Variants in FNDC3A observed in about 807,000 individuals in gnomAD.
FNDC3A encodes fibronectin type-III domain-containing protein 3A.
Under a neutral mutation model 148.9 loss-of-function variants are expected in FNDC3A, and 32 were observed. The observed-to-expected ratio is 0.21, with a 90% CI of 0.16 to 0.29. The LOEUF is 0.29. FNDC3A is among the 10% of genes least tolerant of loss of function. The probability of loss-of-function intolerance (pLI) is 1.00; values close to 1 mark genes in which losing one functional copy is unlikely to be tolerated. For synonymous variants in FNDC3A, 472 were observed against 473.6 expected (o/e 1.00, Z 0.04); for missense variants, 1,191 against 1,452.8 (o/e 0.82, Z 2.93).
At chr13:49,007,416 C>T (rs1785002017) in intron 2 of FNDC3A, among the ~76,000 whole-genome samples, 1 of 152,094 alleles carries the variant, frequency 6.6e-6, no homozygotes, top group South Asian at 2.1e-4. Context: ...ATTTTCTACT[C>T]ACAAAAATAG....
rs78802818 is a variant in FNDC3A at position 49,134,185 on chromosome 13, G to A, written c.491-2147G>A. Among the ~76,000 whole-genome samples, 159 of 152,218 alleles carry A rather than the reference G, an allele frequency of 1.0e-3. 1 individual carries two copies. The highest frequency in any genetic ancestry group is 3.6e-3 in the African/African-American group (148 of 41,508). The stretch of plus-strand genomic sequence containing the variant: ...TATTAACAGTCAGTCCCAACTCTCT[G>A]TTCCTTCACATCCCATGATCTACTT... On this transcript the variant is annotated intron_variant, in intron 5 of 25. Coordinates refer to ENST00000492622, the MANE Select transcript of FNDC3A (RefSeq NM_001079673.2).
intron 2 of FNDC3A, among the ~76,000 whole-genome samples, chr13:49,014,981 A>C (rs1039398593): frequency 6.6e-6 from 1 of 151,646 alleles, no homozygotes; most frequent in African/African-American, 2.4e-5. Flanking sequence ...TACCAGTACC[A>C]TGCTGTTTTG....
chr13:49,107,649 G>A (rs1338329237), intron 3 of FNDC3A, among the ~76,000 whole-genome samples: 1 of 152,198 alleles, frequency 6.6e-6, no homozygotes, highest in East Asian at 1.9e-4. Flanking sequence ...AACATCAAGA[G>A]TTCAGTTTCA....
chr13:49,189,725 A>G (rs910696996), intron 17 of FNDC3A, among the ~76,000 whole-genome samples: 4 of 152,238 alleles, frequency 2.6e-5, no homozygotes, highest in Admixed American at 2.6e-4. Flanking sequence ...TCAGAAAAGC[A>G]ACAACACATA....
intron 1 of FNDC3A, among the ~76,000 whole-genome samples, chr13:48,981,518 T>A (rs1361238478): frequency 6.6e-6 from 1 of 151,746 alleles, no homozygotes; most frequent in Non-Finnish European, 1.5e-5. Flanking sequence ...AGCTTTATCC[T>A]CCAAAGTTCT....
intron 1 of FNDC3A, among the ~76,000 whole-genome samples, chr13:48,990,686 C>A (rs1463603202): frequency 2.6e-5 from 4 of 151,774 alleles, no homozygotes. Context: ...CGCTTGAACC[C>A]AGGAGGCGGA....
In FNDC3A at chr13:49,201,862, C is replaced by A; in HGVS notation, c.3050C>A (p.Thr1017Lys). The change falls in exon 24 of 26, where the codon ACA (threonine) becomes AAA (lysine). Residue 1017 changes from threonine to lysine, a missense_variant. Thr to Lys is a moderately conservative substitution (Grantham distance 78, BLOSUM62 -1). Around this residue, in one of 3 missense-constraint regions of FNDC3A, gnomAD observed 751 missense variants for 944.0 expected, o/e 0.80. Transcript: ENST00000492622. ...AAAGTACAAAGACTTAATGAGTCAA[C>A]ATCCTATAAATTCTGTATTCAAGCT... ...TYKVQRLNES[T>K]SYKFCIQACN... The A allele has an allele frequency of 6.3e-7, 1 of 1,592,336 alleles. No homozygotes were observed. The highest frequency in any genetic ancestry group is 8.6e-7 in the Non-Finnish European group (1 of 1,166,166).
chr13:49,169,909 CAGT>C (rs1294144829), intron 10 of FNDC3A, among the ~76,000 whole-genome samples: 2 of 152,112 alleles, frequency 1.3e-5, no homozygotes, highest in Non-Finnish European at 2.9e-5. Context: ...GTGTCACTTA[CAGT>C]AGTATTTTAT....
rs377282705 is a variant in FNDC3A at position 49,050,034 on chromosome 13, C to T, written c.100-25255C>T. ...GGCGAACAGCCTTCTCTCTTCTTTT[C>T]TTGGTTAATCTCACTAATGGTCTAT... is the stretch of plus-strand genomic sequence containing the variant. On this transcript the variant is annotated intron_variant, in intron 2 of 25. Coordinates refer to ENST00000492622, the MANE Select transcript of FNDC3A (RefSeq NM_001079673.2). Among the ~76,000 whole-genome samples, 143 of 152,256 alleles carry T rather than the reference C, an allele frequency of 9.4e-4. 4 individuals are homozygous for T. In the East Asian group the frequency reaches 0.025, roughly 27 times the overall value.
At chr13:49,107,175 CAA>C (rs1334792321) in intron 3 of FNDC3A, among the ~76,000 whole-genome samples, 1 of 151,816 alleles carries the variant, frequency 6.6e-6, no homozygotes, top group African/African-American at 2.4e-5. Context: ...ATTGCATAAT[CAA>C]AATTTTATTT....
chr13:49,116,299 T>A (rs779491851), intron 4 of FNDC3A, among the ~76,000 whole-genome samples: 1 of 152,216 alleles, frequency 6.6e-6, no homozygotes, highest in Admixed American at 6.5e-5. Context: ...CATAAACTTA[T>A]GAAATGTGTA....
chr13:49,012,960 A>G (rs954032563), intron 2 of FNDC3A, among the ~76,000 whole-genome samples: 1 of 152,002 alleles, frequency 6.6e-6, no homozygotes, highest in Admixed American at 6.6e-5. Flanking sequence ...CAAAGAGAGT[A>G]TTTTCAGCAT....
chr13:49,150,432 G>A (rs1035319269), intron 8 of FNDC3A, among the ~76,000 whole-genome samples: 9 of 152,002 alleles, frequency 5.9e-5, no homozygotes. Flanking sequence ...CACTGCTTTT[G>A]CTGTATCCCA....
intron 2 of FNDC3A, among the ~76,000 whole-genome samples, chr13:49,025,270 A>G (rs1482236482): frequency 1.3e-5 from 2 of 152,052 alleles, no homozygotes; most frequent in Non-Finnish European, 2.9e-5. Flanking sequence ...TGGCAGTTTG[A>G]ACAAAAGTGA....
At chr13:48,985,611 C>T (rs775995982) in intron 1 of FNDC3A, among the ~76,000 whole-genome samples, 15 of 151,836 alleles carry the variant, frequency 9.9e-5, no homozygotes, top group Admixed American at 3.3e-4. Flanking sequence ...CATGAAAGGG[C>T]GAGATACAAT....
At position 49,198,206 on chromosome 13, in the gene FNDC3A, A is replaced by C. The variant is rs967386526; in HGVS notation, c.2715A>C (p.Leu905=). The change falls in exon 22 of 26, where the codon CTA becomes CTC. Residue 905 remains leucine, a synonymous_variant. Transcript: ENST00000492622. ...TAGACTTTGGAGATAAACAATCCCT[A>C]ACAGTGGGAAAGGTTACAAGCTATA... is the stretch of plus-strand genomic sequence containing the variant. ...YSIDFGDKQS[L]TVGKVTSYII... is the part of the protein sequence containing the mutation. 1.9e-6 allele frequency: 3 copies of C among 1,614,120 alleles called. No individual in the cohort carries two copies. The highest frequency in any genetic ancestry group is 2.2e-5 in the South Asian group (2 of 91,088).
intron 3 of FNDC3A, 30 bp from the exon 4 acceptor site, chr13:49,114,625 G>T: frequency 1.3e-6 from 2 of 1,493,774 alleles, no homozygotes; most frequent in Non-Finnish European, 1.9e-6. Flanking sequence ...GCAATCATGG[G>T]TTAATACATC....
intron 3 of FNDC3A, among the ~76,000 whole-genome samples, chr13:49,097,078 C>T (rs556327167): frequency 5.3e-4 from 81 of 152,004 alleles, no homozygotes; most frequent in African/African-American, 1.8e-3. Context: ...TTGCAAGTAC[C>T]GTTATATGCC....
intron 7 of FNDC3A, among the ~76,000 whole-genome samples, chr13:49,142,196 A>G (rs1187249485): frequency 6.6e-6 from 1 of 152,214 alleles, no homozygotes; most frequent in Non-Finnish European, 1.5e-5. Flanking sequence ...CACGCTAAAG[A>G]ATACCCAAGT....
Sources: allele counts gnomAD v4.1 joint callset (sites outside exome capture counted in the v4.1 genomes callset), GRCh38; gene constraint gnomAD v4.1.1; regional missense constraint gnomAD v4.1.1; transcripts MANE v1.5; gene names NCBI Gene and HGNC (gene_info 2026-07-23, HGNC 2026-07-21).